The following RABGAP1L variants were observed in gnomAD, a reference collection of about 807,000 sequenced individuals.
The protein encoded by RABGAP1L is RAB GTPase activating protein 1 like.
A neutral mutation model predicts 137.7 loss-of-function variants in RABGAP1L; 63 were observed. The observed-to-expected ratio is 0.46, with a 90% confidence interval of 0.37 to 0.56. The LOEUF is 0.56. Among genes scored for constraint, RABGAP1L ranks in the 20% least tolerant of loss-of-function variants. The pLI is 0.00. For synonymous variants in RABGAP1L, 431 were observed against 433.7 expected, an observed-to-expected ratio of 0.99 and a Z score of 0.08; for missense variants, 1,095 against 1,244.0, an observed-to-expected ratio of 0.88 and a Z score of 1.80.
intron 13 of RABGAP1L, among the ~76,000 whole-genome samples, chr1:174,452,895 T>C (rs2149261776): frequency 6.6e-6 from 1 of 152,266 alleles, no homozygotes; most frequent in African/African-American, 2.4e-5. Context: ...GTGGGTGCCA[T>C]ATTTATTAAC....
chr1:174,971,547 G>C (rs974066772), intron 21 of RABGAP1L, among the ~76,000 whole-genome samples: 1 of 152,038 alleles, frequency 6.6e-6, no homozygotes, highest in East Asian at 1.9e-4. Context: ...AATATGACCT[G>C]GACCCTCCCT....
intron 19 of RABGAP1L, among the ~76,000 whole-genome samples, chr1:174,863,029 G>A (rs1650509697): frequency 6.6e-6 from 1 of 151,248 alleles, no homozygotes; most frequent in Admixed American, 6.6e-5. Context: ...CAGGTAGCTG[G>A]GACTACAGGC....
intron 10 of RABGAP1L, among the ~76,000 whole-genome samples, chr1:174,292,019 T>TTTATTATTATTATTATTATTA (rs60906954): frequency 4.2e-4 from 59 of 139,036 alleles, no homozygotes; most frequent in African/African-American, 1.1e-3. Flanking sequence ...GATTAGATCA[T>TTTATTATTATTATTATTATTA]TTATTATTAT....
intron 13 of RABGAP1L, among the ~76,000 whole-genome samples, chr1:174,599,081 ATT>A (rs1670219895): frequency 1.4e-5 from 2 of 145,688 alleles, no homozygotes; most frequent in African/African-American, 2.6e-5. Flanking sequence ...ATTTCTTGCC[ATT>A]TTTGTGTGTT....
At chr1:174,517,238 T>A (rs549157279) in intron 13 of RABGAP1L, among the ~76,000 whole-genome samples, 1 of 152,200 alleles carries the variant, frequency 6.6e-6, no homozygotes, top group Admixed American at 6.5e-5. Context: ...ATTACATTGA[T>A]GAGTTATACA....
At chr1:174,987,673 T>C (rs1236292996) in intron 24 of RABGAP1L, among the ~76,000 whole-genome samples, 2 of 152,226 alleles carry the variant, frequency 1.3e-5, no homozygotes, top group South Asian at 4.1e-4. Flanking sequence ...AAAGTAGAAA[T>C]AGCATGTAAT....
At chr1:174,816,147 C>CTTTTTTTTTTTT (rs67065448) in intron 19 of RABGAP1L, among the ~76,000 whole-genome samples, 5 of 86,190 alleles carry the variant, frequency 5.8e-5, no homozygotes, top group East Asian at 4.6e-4. Context: ...TAATACATAG[C>CTTTTTTTTTTTT]TTTTTTTTTT....
At chr1:174,888,915 A>G (rs1040375412) in intron 19 of RABGAP1L, among the ~76,000 whole-genome samples, 13 of 152,326 alleles carry the variant, frequency 8.5e-5, no homozygotes, top group Admixed American at 7.8e-4. Flanking sequence ...CATAGTTACA[A>G]TCATAATCTT....
intron 13 of RABGAP1L, among the ~76,000 whole-genome samples, chr1:174,431,714 A>C (rs190732397): frequency 5.9e-4 from 90 of 152,286 alleles, no homozygotes; most frequent in African/African-American, 2.1e-3. Context: ...TAAGGTACCT[A>C]ATTCTTATGG....
At chr1:174,396,531 T>A (rs970237176) in intron 13 of RABGAP1L, among the ~76,000 whole-genome samples, 1 of 152,066 alleles carries the variant, frequency 6.6e-6, no homozygotes, top group East Asian at 1.9e-4. Context: ...ATCGATGGAG[T>A]ATCTGATTGA....
chr1:174,498,416 G>T (rs981762455), intron 13 of RABGAP1L, among the ~76,000 whole-genome samples: 1 of 152,096 alleles, frequency 6.6e-6, no homozygotes, highest in African/African-American at 2.4e-5. Flanking sequence ...GTGCGACTTT[G>T]AAAAACCAGG....
chr1:174,780,774 A>G (rs1341276800), intron 18 of RABGAP1L, among the ~76,000 whole-genome samples: 2 of 128,356 alleles, frequency 1.6e-5, no homozygotes, highest in East Asian at 4.7e-4. Flanking sequence ...CTTGTGTCCA[A>G]GTGTTCTCAT....
intron 18 of RABGAP1L, among the ~76,000 whole-genome samples, chr1:174,765,118 G>A (rs1685565958): frequency 6.6e-6 from 1 of 152,206 alleles, no homozygotes; most frequent in South Asian, 2.1e-4. Context: ...TATTAGCAGG[G>A]TGAATAGGAG....
At chr1:174,259,951 C>T (rs1465055771) in intron 7 of RABGAP1L, among the ~76,000 whole-genome samples, 1 of 151,888 alleles carries the variant, frequency 6.6e-6, no homozygotes, top group African/African-American at 2.4e-5. Flanking sequence ...TCTTCTGCCT[C>T]AGCCTCCTGA....
chr1:174,646,840 T>C (rs926017841), intron 14 of RABGAP1L, among the ~76,000 whole-genome samples: 1 of 152,222 alleles, frequency 6.6e-6, no homozygotes, highest in Non-Finnish European at 1.5e-5. Context: ...TTTCTATCCA[T>C]GAGCATGGAA....
intron 13 of RABGAP1L, among the ~76,000 whole-genome samples, chr1:174,511,215 A>G (rs2147802883): frequency 6.6e-6 from 1 of 152,324 alleles, no homozygotes; most frequent in East Asian, 1.9e-4. Flanking sequence ...AAGTCAAGAA[A>G]TAAATGTGTC....
intron 13 of RABGAP1L, among the ~76,000 whole-genome samples, chr1:174,522,548 G>C (rs1382770983): frequency 6.6e-6 from 1 of 151,860 alleles, no homozygotes; most frequent in Non-Finnish European, 1.5e-5. Flanking sequence ...GGGGGAAGGA[G>C]GTGAGGGGAG....
chr1:174,813,706 A>G (rs1690108784), intron 19 of RABGAP1L, among the ~76,000 whole-genome samples: 1 of 152,162 alleles, frequency 6.6e-6, no homozygotes. Flanking sequence ...TTCACGACTG[A>G]TTGTTTTATT....
At chr1:174,475,772 TAAAAAA>T (rs61597461) in intron 13 of RABGAP1L, among the ~76,000 whole-genome samples, 19 of 69,930 alleles carry the variant, frequency 2.7e-4, no homozygotes, top group East Asian at 4.5e-4. Context: ...CCCCGTGTCT[TAAAAAA>T]AAAAAAAAAA....
Sources: gnomAD v4.1 joint callset for allele counts (sites outside exome capture counted in the v4.1 genomes callset) on GRCh38, gnomAD v4.1.1 for gene constraint, MANE v1.5 for transcripts, NCBI Gene and HGNC (gene_info 2026-07-23, HGNC 2026-07-21) for gene names.